The following PAPPA variants were observed in gnomAD, a reference collection of about 807,000 sequenced individuals.
The protein encoded by PAPPA is pappalysin 1.
In PAPPA, 60 loss-of-function variants were observed where a neutral mutation model predicts 164.0. The ratio of observed to expected loss-of-function variants is 0.37; its 90% CI spans 0.30 to 0.45. The LOEUF (loss-of-function observed/expected upper bound fraction) is 0.45, where lower values mean the gene tolerates loss of function less well. Among genes scored for constraint, PAPPA ranks in the 20% least tolerant of loss-of-function variants. PAPPA has a pLI of 1.00. For synonymous variants in PAPPA, 875 were observed against 814.1 expected (o/e 1.07, Z -1.27); for missense variants, 1,782 against 2,087.3 (o/e 0.85, Z 2.85).
intron 3 of PAPPA, among the ~76,000 whole-genome samples, chr9:116,208,541 A>G (rs1844266246): frequency 6.6e-6 from 1 of 152,144 alleles, no homozygotes; most frequent in African/African-American, 2.4e-5. Context: ...TTATTTAATC[A>G]TTTTCCGTTT....
At chr9:116,375,058 A>G (rs745778980) in intron 19 of PAPPA, among the ~76,000 whole-genome samples, 35 of 152,242 alleles carry the variant, frequency 2.3e-4, no homozygotes, top group Non-Finnish European at 4.3e-4. Context: ...AGAAATTGGT[A>G]CTAGGTTTAC....
At chr9:116,382,336 T>TGAGACGA in intron 20 of PAPPA, 59 bp from the exon 21 acceptor site, 1 of 1,032,688 alleles carries the variant, frequency 9.7e-7, no homozygotes, top group South Asian at 1.3e-5. Flanking sequence ...AGACGTCAGC[T>TGAGACGA]CCCACTCACT....
chr9:116,374,460 C>T (rs1289961398), intron 19 of PAPPA, among the ~76,000 whole-genome samples: 1 of 152,192 alleles, frequency 6.6e-6, no homozygotes, highest in East Asian at 1.9e-4. Context: ...CTGCCTGTCC[C>T]CTTTCCCAGT....
chr9:116,321,419 A>C (rs1478631266), intron 10 of PAPPA, among the ~76,000 whole-genome samples: 2 of 152,204 alleles, frequency 1.3e-5, no homozygotes, highest in Non-Finnish European at 2.9e-5. Context: ...CAGTGAGCTA[A>C]TGACCAAGTT....
intron 1 of PAPPA, among the ~76,000 whole-genome samples, chr9:116,169,249 C>G (rs1343464916): frequency 6.7e-6 from 1 of 150,352 alleles, no homozygotes; most frequent in Non-Finnish European, 1.5e-5. Flanking sequence ...AACCAGTATA[C>G]CATCTATGCC....
chr9:116,323,913 C>A (rs1043016310), intron 10 of PAPPA, among the ~76,000 whole-genome samples: 5 of 152,142 alleles, frequency 3.3e-5, no homozygotes, highest in African/African-American at 1.2e-4. Context: ...AAAAAGTGAG[C>A]AATTGAGTCA....
chr9:116,297,057 G>A (rs1845518626), intron 9 of PAPPA, among the ~76,000 whole-genome samples: 1 of 152,018 alleles, frequency 6.6e-6, no homozygotes, highest in African/African-American at 2.4e-5. Context: ...GTTTCACCAT[G>A]TTAGCCAGGC....
At position 116,399,169 on chromosome 9, in the gene PAPPA, C is replaced by T. The variant is rs1205318455; in HGVS notation, c.*2553C>T. On this transcript the variant is annotated 3_prime_UTR_variant, in exon 22 of 22. Transcript: ENST00000328252. ...ACTCCCATCATCATCTATTTTCACA[C>T]TATCCAGCTAAGCAAAGATTCCTGG... 6.5e-6 allele frequency: 1 copy of T among 154,314 alleles called. No homozygotes were observed. The highest frequency in any genetic ancestry group is 1.4e-5 in the Non-Finnish European group (1 of 69,510). The allele number at this position is 154,314 out of a possible 1,614,324, so 9.6% of individuals were successfully genotyped here.
At chr9:116,171,249 T>C (rs2118590308) in intron 1 of PAPPA, among the ~76,000 whole-genome samples, 1 of 152,314 alleles carries the variant, frequency 6.6e-6, no homozygotes, top group Non-Finnish European at 1.5e-5. Flanking sequence ...AAAGCCCTTG[T>C]TTAGTGATGC....
At chr9:116,391,372 T>A (rs1846890767) in intron 21 of PAPPA, among the ~76,000 whole-genome samples, 1 of 152,140 alleles carries the variant, frequency 6.6e-6, no homozygotes, top group South Asian at 2.1e-4. Flanking sequence ...GACCTGCCAG[T>A]GATGTGGCCC....
At chr9:116,314,052 C>T (rs1413374496) in intron 10 of PAPPA, among the ~76,000 whole-genome samples, 2 of 135,344 alleles carry the variant, frequency 1.5e-5, no homozygotes, top group South Asian at 2.5e-4. Context: ...TCTGTCATTG[C>T]ATCGAATCTT....
intron 9 of PAPPA, among the ~76,000 whole-genome samples, chr9:116,298,769 C>G (rs867017045): frequency 6.6e-6 from 1 of 152,246 alleles, no homozygotes. Flanking sequence ...ATGTGTATGT[C>G]TGTGTATAAT....
intron 20 of PAPPA, among the ~76,000 whole-genome samples, chr9:116,380,814 G>A (rs1037206008): frequency 2.6e-5 from 4 of 152,112 alleles, no homozygotes; most frequent in African/African-American, 9.7e-5. Flanking sequence ...ATGAGTTCAG[G>A]GTGAAAAGTT....
intron 9 of PAPPA, among the ~76,000 whole-genome samples, chr9:116,299,168 T>G (rs967727837): frequency 1.3e-5 from 2 of 152,172 alleles, no homozygotes; most frequent in East Asian, 1.9e-4. Flanking sequence ...GATGTTATTT[T>G]AAAAAGAGAC....
rs374239449 is a variant in PAPPA, at chr9:116,173,072, G to T, written c.416-14082G>T. On this transcript the variant is annotated intron_variant, in intron 1 of 21. Coordinates refer to ENST00000328252, the MANE Select transcript of PAPPA (RefSeq NM_002581.5). ...TAGATGGGGAAACCAAGAGACAAAA[G>T]GTAGATGACATTTTCTCAAGGTCAG... 1.6e-4 allele frequency among the ~76,000 whole-genome samples: 24 copies of T among 152,236 alleles called. No homozygotes were observed. In the East Asian group the frequency reaches 1.7e-3, roughly 11 times the overall value.
intron 15 of PAPPA, among the ~76,000 whole-genome samples, chr9:116,349,057 A>T (rs138346899): frequency 6.6e-6 from 1 of 151,702 alleles, no homozygotes; most frequent in African/African-American, 2.4e-5. Flanking sequence ...CTCTATTTGT[A>T]CCTCTTGTCC....
At chr9:116,374,033 T>C (rs1334495532) in intron 19 of PAPPA, among the ~76,000 whole-genome samples, 1 of 151,228 alleles carries the variant, frequency 6.6e-6, no homozygotes, top group East Asian at 1.9e-4. Flanking sequence ...GTGATGATGA[T>C]ATTGACGTTG....
At chr9:116,183,134 T>C (rs1254738095) in intron 1 of PAPPA, among the ~76,000 whole-genome samples, 1 of 152,046 alleles carries the variant, frequency 6.6e-6, no homozygotes, top group Non-Finnish European at 1.5e-5. Context: ...TATGCCTCTA[T>C]CTTTATGGAG....
chr9:116,168,927 T>TA (rs1177190305), intron 1 of PAPPA, among the ~76,000 whole-genome samples: 1 of 152,194 alleles, frequency 6.6e-6, no homozygotes, highest in Non-Finnish European at 1.5e-5. Flanking sequence ...ATCTTTGCAT[T>TA]ATTCCTTTTA....
Sources: allele counts gnomAD v4.1 joint callset (sites outside exome capture counted in the v4.1 genomes callset), GRCh38; gene constraint gnomAD v4.1.1; transcripts MANE v1.5; gene names NCBI Gene and HGNC (gene_info 2026-07-23, HGNC 2026-07-21).